TTBK1: variants seen among roughly 807,000 people sequenced by gnomAD.
The protein encoded by TTBK1 is tau-tubulin kinase 1.
Under a neutral mutation model 108.5 loss-of-function variants are expected in TTBK1, and 34 were observed. The observed-to-expected ratio is 0.31, with a 90% CI of 0.24 to 0.42. The LOEUF (loss-of-function observed/expected upper bound fraction) is 0.42. TTBK1 is among the 10% of genes least tolerant of loss of function. TTBK1 has a pLI of 1.00. For synonymous variants in TTBK1, 809 were observed against 795.1 expected (o/e 1.02, Z -0.29); for missense variants, 1,539 against 1,826.0 (o/e 0.84, Z 2.86).
chr6:43,283,314 C>T lies in TTBK1; in HGVS notation c.2574C>T (p.Asp858=), dbSNP rs766676718. The change falls in exon 14 of 15, where the codon GAC becomes GAT. Residue 858 remains aspartate (D), a synonymous_variant. Coordinates refer to ENST00000259750, the MANE Select transcript of TTBK1 (RefSeq NM_032538.3). The surrounding 1 kb of genome is among the most constrained non-coding windows in gnomAD (Gnocchi z 8.1). ...PVTAELAPDP[D]LGTLAALTPQ... ...CTGCCGAACTGGCCCCCGACCCCGA[C>T]CTGGGCACCCTGGCTGCCCTCACTC... 1.2e-5 allele frequency: 19 copies of T among 1,582,352 alleles called. No homozygotes were observed. In the Admixed American group the frequency reaches 2.7e-4, roughly 23 times the overall value.
intron 13 of TTBK1, chr6:43,270,113 T>C (rs1777788139): frequency 7.2e-7 from 1 of 1,384,728 alleles, no homozygotes; most frequent in East Asian, 2.9e-5. Flanking sequence ...GGTACTGTAA[T>C]ACTCCCACCC....
chr6:43,246,866 AAGAG>A (rs1162309803), intron 2 of TTBK1, 98 bp downstream of exon 2: 4 of 904,670 alleles, frequency 4.4e-6, no homozygotes, highest in Non-Finnish European at 6.7e-6. Context: ...CCCCTACCCT[AAGAG>A]GGAGGTGCCT....
rs775943513 is a variant in TTBK1, at chr6:43,283,615, G to A, written c.2875G>A (p.Glu959Lys). The A allele has an allele frequency of 2.5e-6, 4 of 1,614,158 alleles. No homozygotes were observed. Among genetic ancestry groups the A allele is most frequent in the Non-Finnish European group, 3.4e-6 (4 of 1,180,008 alleles). ...GTCTGAGGAGTTCAGCGCTGGGGGC[G>A]AGCTGGGTCTGGAGCTGGCCTCTGA... ...LRSEEFSAGG[E>K]LGLELASDGG... Residue 959 changes from glutamate (E) to lysine (K), a missense_variant, in exon 14 of 15, where the codon GAG (glutamate) becomes AAG (lysine). By Grantham distance (56) the Glu-to-Lys change is moderately conservative (BLOSUM62 1). This residue lies in a region of TTBK1 where 1,055 missense variants were observed against 1,086.5 expected (regional missense o/e 0.97). Coordinates refer to ENST00000259750, the MANE Select transcript of TTBK1 (RefSeq NM_032538.3). The surrounding 1 kb of genome is among the most constrained non-coding windows in gnomAD (Gnocchi z 8.1).
chr6:43,248,772 C>G (rs1045126362), intron 2 of TTBK1, among the ~76,000 whole-genome samples: 2 of 152,108 alleles, frequency 1.3e-5, no homozygotes, highest in African/African-American at 4.8e-5. Context: ...GCAGGAGGAT[C>G]GCTTGAGCCC....
chr6:43,251,252 G>A (rs1777231278), intron 2 of TTBK1, among the ~76,000 whole-genome samples: 1 of 152,152 alleles, frequency 6.6e-6, no homozygotes, highest in African/African-American at 2.4e-5. Flanking sequence ...AGTCATCTGG[G>A]TACTGAACAG....
chr6:43,281,211 T>C (rs1778150273), intron 13 of TTBK1, among the ~76,000 whole-genome samples: 1 of 151,500 alleles, frequency 6.6e-6, no homozygotes. Context: ...CCGTCTCTAC[T>C]AAGAATAAAA....
At position 43,253,970 on chromosome 6, in the gene TTBK1, C is replaced by T. The variant is rs1286972181; in HGVS notation, c.471+262C>T. Among the ~76,000 whole-genome samples, 3 of 152,184 alleles carry T rather than the reference C, an allele frequency of 2.0e-5. No individual in the cohort carries two copies. Among genetic ancestry groups the T allele is most frequent in the Non-Finnish European group, 4.4e-5 (3 of 68,040 alleles). On this transcript the variant is annotated intron_variant, in intron 5 of 14. Transcript: ENST00000259750. This position sits in a 1 kb window ranked among gnomAD's most constrained non-coding sequence, Gnocchi z 5.8. ...TTCCCTTCTGTTCCTTATCCCTTGC[C>T]CCTGACCTGACAGTTCTGGAACCTA...
chr6:43,253,591 C>A lies in TTBK1; in HGVS notation c.354C>A (p.Arg118=). 6.2e-7 allele frequency: 1 copy of A among 1,611,582 alleles called. No individual in the cohort carries two copies. The highest frequency in any genetic ancestry group is 8.5e-7 in the Non-Finnish European group (1 of 1,179,178). Reference sequence around the variant, plus strand: ...AGGGCCGGAACCTGGCCGACCTGCGCCGTAGCCAGCCGCGAGGCACCTTCA... The same window carrying A: ...AGGGCCGGAACCTGGCCGACCTGCGACGTAGCCAGCCGCGAGGCACCTTCA... ...QLQGRNLADL[R]RSQPRGTFTL... is the part of the protein sequence containing the mutation. Residue 118 remains arginine (R), a synonymous_variant, in exon 5 of 15, where the codon CGC becomes CGA. Transcript: ENST00000259750. This position sits in a 1 kb window ranked among gnomAD's most constrained non-coding sequence, Gnocchi z 5.8.
At chr6:43,272,837 A>G (rs1430478754) in intron 13 of TTBK1, among the ~76,000 whole-genome samples, 6 of 152,164 alleles carry the variant, frequency 3.9e-5, no homozygotes, top group Admixed American at 3.9e-4. Context: ...GCATTTCCCA[A>G]GAGAAGGCCA....
Position 43,282,890 on chromosome 6 carries a change from C to G in TTBK1, c.2150C>G (p.Thr717Ser). Residue 717 changes from threonine (T) to serine (S), a missense_variant, in exon 14 of 15, where the codon ACC (threonine) becomes AGC (serine). Around this residue, in one of 5 missense-constraint regions of TTBK1, gnomAD observed 1,055 missense variants for 1,086.5 expected, o/e 0.97. Coordinates refer to ENST00000259750, the MANE Select transcript of TTBK1 (RefSeq NM_032538.3). The surrounding 1 kb of genome is among the most constrained non-coding windows in gnomAD (Gnocchi z 5.4). ...RVGFSHMLLT[T>S]PQVPLAPVQP... ...GGCTTCTCGCACATGCTGCTCACCACCCCCCAGGTCCCACTGGCTCCTGTT... is the reference window on the plus strand; with the variant it reads ...GGCTTCTCGCACATGCTGCTCACCAGCCCCCAGGTCCCACTGGCTCCTGTT... 6.2e-7 allele frequency: 1 copy of G among 1,613,710 alleles called. No homozygotes were observed. Among genetic ancestry groups the G allele is most frequent in the South Asian group, 1.1e-5 (1 of 91,024 alleles).
At chr6:43,252,972 G>A in intron 3 of TTBK1, 86 bp downstream of exon 3, 3 of 1,502,838 alleles carry the variant, frequency 2.0e-6, no homozygotes, top group South Asian at 1.2e-5. Context: ...GCTGGGGTGA[G>A]GGAGGAGATG....
rs1476366491 is a variant in TTBK1 at position 43,283,585 on chromosome 6, T to C, written c.2845T>C (p.Leu949=). 1 of 1,614,130 alleles carries C rather than the reference T, an allele frequency of 6.2e-7. No individual in the cohort carries two copies. Among genetic ancestry groups the C allele is most frequent in the South Asian group, 1.1e-5 (1 of 91,080 alleles). ...LNVMSSGGQA[L]RSEEFSAGGE... ...CGTCATGTCTTCCGGTGGACAAGCC[T>C]TGCGGTCTGAGGAGTTCAGCGCTGG... Residue 949 remains leucine, a synonymous_variant, in exon 14 of 15, where the codon TTG becomes CTG. Transcript: ENST00000259750. The surrounding 1 kb of genome is among the most constrained non-coding windows in gnomAD (Gnocchi z 8.1).
intron 12 of TTBK1, among the ~76,000 whole-genome samples, chr6:43,260,786 G>A (rs1777520196): frequency 6.6e-6 from 1 of 152,144 alleles, no homozygotes; most frequent in African/African-American, 2.4e-5. Flanking sequence ...AAAGTTGAGG[G>A]CTGAACAGGA....
Position 43,269,736 on chromosome 6 carries a change from A to G in TTBK1, c.1986+6386A>G. 4.4e-6 allele frequency: 7 copies of G among 1,608,418 alleles called. No individual in the cohort carries two copies. Among genetic ancestry groups the G allele is most frequent in the Non-Finnish European group, 5.9e-6 (7 of 1,179,374 alleles). On this transcript the variant is annotated intron_variant, in intron 13 of 14. Coordinates refer to ENST00000259750, the MANE Select transcript of TTBK1 (RefSeq NM_032538.3). This position sits in a 1 kb window ranked among gnomAD's most constrained non-coding sequence, Gnocchi z 4.8. Reference sequence around the variant, plus strand: ...CGTGTTCTCCTCCTCCACGCTGGAGACGGAGCATTACCCTCACCCCGGCGG... The same window carrying G: ...CGTGTTCTCCTCCTCCACGCTGGAGGCGGAGCATTACCCTCACCCCGGCGG...
intron 13 of TTBK1, among the ~76,000 whole-genome samples, chr6:43,279,795 CAG>C (rs1160620960): frequency 6.6e-6 from 1 of 151,878 alleles, no homozygotes; most frequent in African/African-American, 2.4e-5. Flanking sequence ...TTTTTTGAGA[CAG>C]TGTCGTTCTG....
At chr6:43,270,286 G>A (rs1777793649) in intron 13 of TTBK1, 2 of 1,114,536 alleles carry the variant, frequency 1.8e-6, no homozygotes, top group African/African-American at 3.3e-5. Flanking sequence ...GAGGTGTCAG[G>A]GAGATGAGGC....
chr6:43,254,523 G>A (rs1777332072), intron 5 of TTBK1, 24 bp from the exon 6 acceptor site: 4 of 1,540,632 alleles, frequency 2.6e-6, no homozygotes, highest in East Asian at 2.4e-5. Context: ...GGCCCCCAGA[G>A]CTCACAGCTG....
chr6:43,254,963 T>G, intron 6 of TTBK1, 86 bp from the exon 7 acceptor site: 1 of 1,342,462 alleles, frequency 7.4e-7, no homozygotes. Flanking sequence ...GTGGTCAGGG[T>G]GAAGAGTTAG....
chr6:43,255,193 T>TGCGGGGGGGGGGGGGG, intron 7 of TTBK1, 79 bp downstream of exon 7: 1 of 266,452 alleles, frequency 3.8e-6, no homozygotes, highest in Admixed American at 6.0e-5. Context: ...TGGGGAGGGG[T>TGCGGGGGGGGGGGGGG]GGGGAGAGGA....
Sources: allele counts gnomAD v4.1 joint callset (sites outside exome capture counted in the v4.1 genomes callset), GRCh38; gene constraint gnomAD v4.1.1; regional missense constraint gnomAD v4.1.1; non-coding constraint Gnocchi (gnomAD v3.1); transcripts MANE v1.5; gene names NCBI Gene and HGNC (gene_info 2026-07-23, HGNC 2026-07-21).